Variants in NRG1 observed in about 807,000 individuals in gnomAD.
NRG1 encodes the protein neuregulin 1.
NRG1 carries 18 observed loss-of-function variants against 63.8 expected under a neutral mutation model. That is an observed-to-expected ratio of 0.28 (90% CI 0.19 to 0.42). The LOEUF (loss-of-function observed/expected upper bound fraction) is 0.42. NRG1 is among the 10% of genes least tolerant of loss of function. NRG1 has a pLI of 1.00. For synonymous variants in NRG1, 302 were observed against 301.3 expected, an observed-to-expected ratio of 1.00 and a Z score of -0.02; for missense variants, 762 against 814.7, an observed-to-expected ratio of 0.94 and a Z score of 0.79.
At chr8:32,570,526 A>G (rs913829400) in intron 1 of NRG1, among the ~76,000 whole-genome samples, 2 of 152,198 alleles carry the variant, frequency 1.3e-5, no homozygotes, top group Admixed American at 6.5e-5. Flanking sequence ...GTTGTCCACT[A>G]CTTGAACTTC....
At chr8:32,084,129 A>G (rs1029162568) in intron 1 of NRG1, among the ~76,000 whole-genome samples, 3 of 152,208 alleles carry the variant, frequency 2.0e-5, no homozygotes, top group Non-Finnish European at 4.4e-5. Flanking sequence ...CATTTTGCCC[A>G]TTACCCTTAT....
intron 1 of NRG1, among the ~76,000 whole-genome samples, chr8:31,939,503 G>GAA (rs1197417785): frequency 7.1e-6 from 1 of 141,642 alleles, no homozygotes; most frequent in Non-Finnish European, 1.6e-5. Flanking sequence ...ATAACACAAT[G>GAA]AAAAAAAAAA....
chr8:32,612,157 A>C (rs1400526621), intron 3 of NRG1, among the ~76,000 whole-genome samples: 2 of 152,230 alleles, frequency 1.3e-5, no homozygotes, highest in Middle Eastern at 3.4e-3. Context: ...TAATATGCCA[A>C]ATTACTATGG....
At chr8:31,747,770 T>C (rs563094893) in intron 1 of NRG1, among the ~76,000 whole-genome samples, 32 of 152,114 alleles carry the variant, frequency 2.1e-4, no homozygotes, top group African/African-American at 7.5e-4. Flanking sequence ...TTGTTTAAGA[T>C]GAATCTAGGA....
intron 5 of NRG1, among the ~76,000 whole-genome samples, chr8:32,697,429 C>A (rs1232252242): frequency 6.6e-6 from 1 of 152,194 alleles, no homozygotes; most frequent in Non-Finnish European, 1.5e-5. Context: ...TTGCTTAGTG[C>A]TGAATACTTG....
At chr8:31,929,425 C>T (rs1026398684) in intron 1 of NRG1, among the ~76,000 whole-genome samples, 1 of 151,788 alleles carries the variant, frequency 6.6e-6, no homozygotes, top group African/African-American at 2.4e-5. Context: ...ACATTTTTTA[C>T]TTAAATTGTA....
intron 1 of NRG1, among the ~76,000 whole-genome samples, chr8:31,861,710 T>G (rs762832418): frequency 4.6e-5 from 7 of 152,192 alleles, no homozygotes; most frequent in African/African-American, 7.2e-5. Flanking sequence ...GCCTCTTTCC[T>G]TCTTCTTCCC....
At chr8:32,619,972 A>G (rs1203092516) in intron 5 of NRG1, among the ~76,000 whole-genome samples, 5 of 152,190 alleles carry the variant, frequency 3.3e-5, no homozygotes, top group Non-Finnish European at 7.3e-5. Flanking sequence ...TGAAAATAGC[A>G]TGAAGCACAC....
At chr8:31,754,272 A>G (rs1291024145) in intron 1 of NRG1, among the ~76,000 whole-genome samples, 1 of 152,092 alleles carries the variant, frequency 6.6e-6, no homozygotes, top group African/African-American at 2.4e-5. Context: ...TGTGGCAGGT[A>G]ACTAAATTAT....
chr8:31,903,217 C>T (rs994199698), intron 1 of NRG1, among the ~76,000 whole-genome samples: 13 of 145,222 alleles, frequency 9.0e-5, no homozygotes, highest in Admixed American at 3.5e-4. Flanking sequence ...GGCGCAATCT[C>T]GGCTCACTGC....
At chr8:31,970,319 C>A (rs1003022007) in intron 1 of NRG1, among the ~76,000 whole-genome samples, 1 of 152,134 alleles carries the variant, frequency 6.6e-6, no homozygotes, top group African/African-American at 2.4e-5. Flanking sequence ...TAAATGGCTT[C>A]CAAGTCTTCA....
At chr8:32,758,626 A>G (rs1240949780) in intron 9 of NRG1, among the ~76,000 whole-genome samples, 1 of 146,846 alleles carries the variant, frequency 6.8e-6, no homozygotes, top group African/African-American at 2.7e-5. Flanking sequence ...AAAGAAAGAA[A>G]GAAGAGAGAA....
At chr8:32,420,360 T>C (rs1362991722) in intron 1 of NRG1, among the ~76,000 whole-genome samples, 1 of 152,180 alleles carries the variant, frequency 6.6e-6, no homozygotes, top group Non-Finnish European at 1.5e-5. Flanking sequence ...TATTTCCTCT[T>C]TGAGATCCAG....
At chr8:32,451,813 T>C (rs2129488113) in intron 1 of NRG1, among the ~76,000 whole-genome samples, 1 of 152,322 alleles carries the variant, frequency 6.6e-6, no homozygotes, top group African/African-American at 2.4e-5. Context: ...GTTCAGGTGT[T>C]CACCTATCAA....
At chr8:32,150,477 G>C (rs917640640) in intron 1 of NRG1, among the ~76,000 whole-genome samples, 1 of 152,186 alleles carries the variant, frequency 6.6e-6, no homozygotes, top group African/African-American at 2.4e-5. Context: ...AAAAGAGGTT[G>C]AAGAGAGCAC....
chr8:32,118,653 A>G (rs1833055100), intron 1 of NRG1, among the ~76,000 whole-genome samples: 1 of 152,104 alleles, frequency 6.6e-6, no homozygotes, highest in Admixed American at 6.6e-5. Flanking sequence ...ATAGCGAGGT[A>G]TTTATTTTGG....
At chr8:32,768,714 C>T (rs908397696), downstream of NRG1, among the ~76,000 whole-genome samples, 1 of 152,188 alleles carries the variant, frequency 6.6e-6, no homozygotes, top group African/African-American at 2.4e-5. Context: ...TGGTACCCTT[C>T]ATATATTCCA....
intron 1 of NRG1, among the ~76,000 whole-genome samples, chr8:32,285,696 G>C (rs769910197): frequency 3.3e-5 from 5 of 152,122 alleles, no homozygotes; most frequent in Non-Finnish European, 7.4e-5. Flanking sequence ...GAGACTTTTT[G>C]ATGAGGTTCC....
At chr8:32,407,319 T>TATA (rs71208179) in intron 1 of NRG1, among the ~76,000 whole-genome samples, 6 of 3,648 alleles carry the variant, frequency 1.6e-3, no homozygotes, top group African/African-American at 4.2e-3. Context: ...TATATATATA[T>TATA]TATATATATA....
Sources: allele counts gnomAD v4.1 joint callset (sites outside exome capture counted in the v4.1 genomes callset), GRCh38; gene constraint gnomAD v4.1.1; transcripts MANE v1.5; gene names NCBI Gene and HGNC (gene_info 2026-07-23, HGNC 2026-07-21).